PHACTR1: variants seen among roughly 807,000 people sequenced by gnomAD.
The protein encoded by PHACTR1 is RPEL repeat containing 1.
In PHACTR1, 16 loss-of-function variants were observed where a neutral mutation model predicts 69.2. The ratio of observed to expected loss-of-function variants is 0.23; its 90% CI spans 0.16 to 0.35. The LOEUF (loss-of-function observed/expected upper bound fraction) is 0.35. Ranked by LOEUF, PHACTR1 falls within the 10% of genes least tolerant of loss-of-function variation. PHACTR1 has a pLI of 1.00. For synonymous variants in PHACTR1, 312 were observed against 284.5 expected, an observed-to-expected ratio of 1.10 and a Z score of -0.97; for missense variants, 510 against 734.7, an observed-to-expected ratio of 0.69 and a Z score of 3.54.
chr6:12,835,665 G>T (rs1778082540), intron 4 of PHACTR1, among the ~76,000 whole-genome samples: 1 of 152,046 alleles, frequency 6.6e-6, no homozygotes, highest in African/African-American at 2.4e-5. Flanking sequence ...TTAATAATTT[G>T]CTATGTTTTA....
intron 4 of PHACTR1, among the ~76,000 whole-genome samples, chr6:13,031,608 A>G (rs1802464350): frequency 1.6e-5 from 2 of 126,602 alleles, no homozygotes; most frequent in Non-Finnish European, 3.5e-5. Context: ...GGAAGGGATG[A>G]CTTTTTAGGT....
At chr6:12,942,327 G>A (rs926471755) in intron 4 of PHACTR1, among the ~76,000 whole-genome samples, 1 of 152,300 alleles carries the variant, frequency 6.6e-6, no homozygotes, top group South Asian at 2.1e-4. Flanking sequence ...ATATCAAGTA[G>A]TAGAAACACA....
chr6:12,775,392 G>T (rs1415412441), intron 4 of PHACTR1, among the ~76,000 whole-genome samples: 1 of 152,120 alleles, frequency 6.6e-6, no homozygotes, highest in East Asian at 1.9e-4. Flanking sequence ...TAGTTAACTA[G>T]TAATATAGTA....
chr6:13,043,189 G>A (rs752874351), intron 4 of PHACTR1, among the ~76,000 whole-genome samples: 1 of 152,200 alleles, frequency 6.6e-6, no homozygotes, highest in Non-Finnish European at 1.5e-5. Flanking sequence ...CACTTTGAGA[G>A]GCCGAGGTGG....
At chr6:12,789,510 C>T (rs138904135) in intron 4 of PHACTR1, among the ~76,000 whole-genome samples, 181 of 152,184 alleles carry the variant, frequency 1.2e-3, no homozygotes, top group African/African-American at 4.1e-3. Flanking sequence ...TATGAAGAGA[C>T]AACTCCAAAA....
intron 4 of PHACTR1, among the ~76,000 whole-genome samples, chr6:12,823,150 CAG>C (rs2127714905): frequency 6.6e-6 from 1 of 152,310 alleles, no homozygotes; most frequent in African/African-American, 2.4e-5. Flanking sequence ...CCCGTGTAAA[CAG>C]GGGCAAGTTA....
At chr6:13,222,331 G>A (rs1768799484) in intron 8 of PHACTR1, among the ~76,000 whole-genome samples, 1 of 152,196 alleles carries the variant, frequency 6.6e-6, no homozygotes. Flanking sequence ...CACTGATCTG[G>A]GCAAAGAATG....
chr6:13,158,482 G>C (rs2113522014), intron 5 of PHACTR1, among the ~76,000 whole-genome samples: 1 of 152,306 alleles, frequency 6.6e-6, no homozygotes, highest in East Asian at 1.9e-4. Flanking sequence ...CTCTACGTGA[G>C]TGCATTCTAA....
intron 4 of PHACTR1, among the ~76,000 whole-genome samples, chr6:12,808,881 C>T (rs998522227): frequency 4.7e-5 from 7 of 150,368 alleles, no homozygotes; most frequent in African/African-American, 9.8e-5. Flanking sequence ...TCTTTGGGGG[C>T]GGTGGGTGGT....
At chr6:13,212,695 C>T (rs1384060759) in intron 8 of PHACTR1, among the ~76,000 whole-genome samples, 1 of 152,120 alleles carries the variant, frequency 6.6e-6, no homozygotes, top group Non-Finnish European at 1.5e-5. Flanking sequence ...ACACAGCGGC[C>T]TTCCCACCAT....
At chr6:13,210,095 C>T (rs889868533) in intron 8 of PHACTR1, among the ~76,000 whole-genome samples, 61 of 152,316 alleles carry the variant, frequency 4.0e-4, no homozygotes, top group African/African-American at 1.4e-3. Flanking sequence ...GCGGTCTCGA[C>T]CTTCCAGGCT....
chr6:13,208,982 C>T (rs149413504), intron 8 of PHACTR1, among the ~76,000 whole-genome samples: 1 of 152,166 alleles, frequency 6.6e-6, no homozygotes, highest in East Asian at 1.9e-4. Flanking sequence ...TTCTCCCTCA[C>T]TTCCCACTCG....
At chr6:12,985,092 T>C (rs965376891) in intron 4 of PHACTR1, among the ~76,000 whole-genome samples, 14 of 152,220 alleles carry the variant, frequency 9.2e-5, no homozygotes, top group Non-Finnish European at 1.9e-4. Flanking sequence ...TGAAACCAAC[T>C]AAAATTTATT....
chr6:12,827,247 G>T (rs1023488758), intron 4 of PHACTR1, among the ~76,000 whole-genome samples: 4 of 152,154 alleles, frequency 2.6e-5, no homozygotes, highest in Non-Finnish European at 5.9e-5. Flanking sequence ...AGATGAGAAG[G>T]CAAATTCGCT....
chr6:12,750,062 C>T (rs541277051), intron 4 of PHACTR1, among the ~76,000 whole-genome samples: 1 of 152,262 alleles, frequency 6.6e-6, no homozygotes, highest in South Asian at 2.1e-4. Context: ...ACAGTGATCC[C>T]GGGAATAACC....
chr6:12,921,534 G>C (rs2127512789), intron 4 of PHACTR1, among the ~76,000 whole-genome samples: 1 of 123,254 alleles, frequency 8.1e-6, no homozygotes, highest in African/African-American at 3.1e-5. Context: ...GGGAGGGAGG[G>C]AGGAGGGAAA....
chr6:13,183,141 T>C (rs1762403571), intron 7 of PHACTR1, among the ~76,000 whole-genome samples: 1 of 152,192 alleles, frequency 6.6e-6, no homozygotes, highest in East Asian at 1.9e-4. Flanking sequence ...TAATTGTCTA[T>C]TAAACTGTAT....
chr6:13,197,436 C>T (rs1016597013), intron 7 of PHACTR1, among the ~76,000 whole-genome samples: 3 of 152,154 alleles, frequency 2.0e-5, no homozygotes, highest in African/African-American at 7.2e-5. Context: ...TACTCCCTTT[C>T]TACAGATGAG....
chr6:13,016,773 CT>C (rs1800238441), intron 4 of PHACTR1, among the ~76,000 whole-genome samples: 1 of 152,118 alleles, frequency 6.6e-6, no homozygotes, highest in African/African-American at 2.4e-5. Context: ...TTCCTTCCGT[CT>C]TTGCTGTTTT....
Sources: gnomAD v4.1 joint callset for allele counts (sites outside exome capture counted in the v4.1 genomes callset) on GRCh38, gnomAD v4.1.1 for gene constraint, MANE v1.5 for transcripts, NCBI Gene and HGNC (gene_info 2026-07-23, HGNC 2026-07-21) for gene names.